Variants in PRMT2 observed in about 807,000 individuals in gnomAD.
The protein encoded by PRMT2 is protein arginine methyltransferase 2.
PRMT2 carries 26 observed loss-of-function variants against 57.6 expected under a neutral mutation model. The observed-to-expected ratio is 0.45, with a 90% CI of 0.33 to 0.63. The LOEUF is 0.63. Among genes scored for constraint, PRMT2 ranks in the 20% least tolerant of loss-of-function variants. The probability of loss-of-function intolerance (pLI) is 0.02; values close to 1 mark genes in which losing one functional copy is unlikely to be tolerated. For synonymous variants in PRMT2, 219 were observed against 220.0 expected, an observed-to-expected ratio of 1.00 and a Z score of 0.04; for missense variants, 472 against 564.4, an observed-to-expected ratio of 0.84 and a Z score of 1.66.
intron 7 of PRMT2, chr21:46,651,837 C>T (rs1306545220): frequency 2.5e-6 from 4 of 1,612,710 alleles, no homozygotes; most frequent in Middle Eastern, 1.6e-4. Context: ...CGCATTCTCC[C>T]CTGCACCTGT....
At chr21:46,651,353 C>T (rs1449828458) in intron 7 of PRMT2, among the ~76,000 whole-genome samples, 3 of 151,880 alleles carry the variant, frequency 2.0e-5, no homozygotes, top group Non-Finnish European at 4.4e-5. Context: ...AGGGAGGGCC[C>T]TGGGGAGGGT....
intron 9 of PRMT2, chr21:46,661,509 C>G (rs1370873891): frequency 4.0e-6 from 1 of 250,264 alleles, no homozygotes; most frequent in Non-Finnish European, 7.6e-6. Flanking sequence ...GTGGAAAGGC[C>G]CAGCCTGGAG....
chr21:46,637,190 A>G (rs2061188467), intron 3 of PRMT2, among the ~76,000 whole-genome samples, 200 bp downstream of exon 3: 1 of 152,232 alleles, frequency 6.6e-6, no homozygotes, highest in Non-Finnish European at 1.5e-5. Context: ...TGGGCACCAT[A>G]ACAATTCTAA....
At chr21:46,637,463 A>G (rs2061193424) in intron 3 of PRMT2, among the ~76,000 whole-genome samples, 3 of 152,210 alleles carry the variant, frequency 2.0e-5, no homozygotes, top group African/African-American at 7.2e-5. Context: ...AAAGTCACCA[A>G]CTGAATAATA....
chr21:46,642,119 A>T (rs2061287378), intron 3 of PRMT2, among the ~76,000 whole-genome samples: 2 of 152,288 alleles, frequency 1.3e-5, no homozygotes, highest in South Asian at 4.1e-4. Context: ...CGGTCCAGGG[A>T]ACACCTTTCT....
At position 46,648,132 on chromosome 21, in the gene PRMT2, C is replaced by T. The variant is rs1418177610; in HGVS notation, c.328-326C>T. 6.6e-6 allele frequency among the ~76,000 whole-genome samples: 1 copy of T among 152,162 alleles called. No homozygotes were observed. Among genetic ancestry groups the T allele is most frequent in the African/African-American group, 2.4e-5 (1 of 41,430 alleles). On this transcript the variant is annotated intron_variant, in intron 5 of 11. Coordinates refer to ENST00000355680, the MANE Select transcript of PRMT2 (RefSeq NM_206962.4). This position sits in a 1 kb window ranked among gnomAD's most constrained non-coding sequence, Gnocchi z 4.8. Reference sequence around the variant, plus strand: ...TCTTTATAACATTGACTCTCAGTCTCTGATTACTTAAGCTTTGTTTAATAT... The same window carrying T: ...TCTTTATAACATTGACTCTCAGTCTTTGATTACTTAAGCTTTGTTTAATAT...
At chr21:46,659,777 G>C in intron 8 of PRMT2, 1 of 985,426 alleles carries the variant, frequency 1.0e-6, no homozygotes, top group Non-Finnish European at 1.2e-6. Context: ...GCCAGTGGCC[G>C]TCCAGAGGAA....
In PRMT2 at chr21:46,663,397, A is replaced by G. The variant is rs1413419288; in HGVS notation, c.1112A>G (p.Lys371Arg). ...CTGTCTTGCAGCACCACACACTGGA[A>G]GCAGACGCTGTTCATGATGGACGAC... is the stretch of plus-strand genomic sequence containing the variant. ...TGPFHPTTHW[K>R]QTLFMMDDPV... Residue 371 changes from lysine (K) to arginine (R), a missense_variant, in exon 11 of 12, where the codon AAG becomes AGG. This residue lies in a region of PRMT2 where 229 missense variants were observed against 217.2 expected (regional missense o/e 1.05). Transcript: ENST00000355680. 6.2e-7 allele frequency: 1 copy of G among 1,612,908 alleles called. No individual in the cohort carries two copies. The highest frequency in any genetic ancestry group is 8.5e-7 in the Non-Finnish European group (1 of 1,179,106).
Position 46,643,524 on chromosome 21 carries a change from G to T in PRMT2, c.40-11G>T, listed in dbSNP as rs766846650. 1.3e-6 allele frequency: 2 copies of T among 1,546,700 alleles called. No homozygotes were observed. Among genetic ancestry groups the T allele is most frequent in the South Asian group, 2.5e-5 (2 of 81,614 alleles). On this transcript the variant is annotated splice_polypyrimidine_tract_variant and intron_variant, in intron 3 of 11. Coordinates refer to ENST00000355680, the MANE Select transcript of PRMT2 (RefSeq NM_206962.4). ...GCGTCCTCTCCTCACGCTTTCCTTG[G>T]CTTTGAGCAGGGAGAAGAGCCTGCT...
chr21:46,661,757 G>C, intron 9 of PRMT2, 43 bp from the exon 10 acceptor site: 1 of 1,296,654 alleles, frequency 7.7e-7, no homozygotes, highest in Non-Finnish European at 9.9e-7. Context: ...GCCCTGCGGT[G>C]CCACGCGGTG....
chr21:46,648,356 G>A lies in PRMT2; in HGVS notation c.328-102G>A, dbSNP rs1361114854. On this transcript the variant is annotated intron_variant, in intron 5 of 11. Transcript: ENST00000355680. This position sits in a 1 kb window ranked among gnomAD's most constrained non-coding sequence, Gnocchi z 4.8. ...TCCATAGTCTTCCATAGGGGTGTTG[G>A]GGTCAGGGGTCATCAGCTGTGGCTC... The A allele has an allele frequency of 5.6e-5, 71 of 1,264,556 alleles. No individual in the cohort carries two copies. The highest frequency in any genetic ancestry group is 7.6e-5 in the Non-Finnish European group (68 of 900,350). The allele number at this position is 1,264,556 out of a possible 1,614,324, so 78.3% of individuals were successfully genotyped here. A position where few individuals can be genotyped will look rare whatever the true frequency, so the allele number is the denominator to read the frequency against.
At chr21:46,653,713 A>ACG (rs2061497095) in intron 7 of PRMT2, 1 of 1,255,012 alleles carries the variant, frequency 8.0e-7, no homozygotes, top group Non-Finnish European at 1.0e-6. Context: ...TGGTGCCCAC[A>ACG]CGCACACACA....
At chr21:46,638,740 C>A (rs575127174) in intron 3 of PRMT2, among the ~76,000 whole-genome samples, 4 of 152,268 alleles carry the variant, frequency 2.6e-5, no homozygotes, top group African/African-American at 9.6e-5. Context: ...TTAATACCAC[C>A]CTCCATTATA....
intron 5 of PRMT2, among the ~76,000 whole-genome samples, chr21:46,647,748 C>T (rs1045479266): frequency 4.6e-5 from 7 of 152,112 alleles, no homozygotes; most frequent in African/African-American, 1.2e-4. Context: ...TGTAAAATTC[C>T]GCCCTAATGT....
chr21:46,659,354 C>G (rs1166643564), intron 8 of PRMT2: 21 of 987,942 alleles, frequency 2.1e-5, no homozygotes, highest in Non-Finnish European at 2.5e-5. Flanking sequence ...GGAATGGACC[C>G]TGGGCTAGAT....
intron 8 of PRMT2, chr21:46,660,259 C>A: frequency 1.4e-6 from 1 of 698,544 alleles, no homozygotes; most frequent in Non-Finnish European, 1.8e-6. Flanking sequence ...CATGCAGGGG[C>A]CATGCGGCGT....
chr21:46,650,287 G>GT (rs926376197), intron 7 of PRMT2, among the ~76,000 whole-genome samples: 15 of 574 alleles, frequency 0.026, no homozygotes, highest in Non-Finnish European at 8.8e-3. Flanking sequence ...GATGCTGTCT[G>GT]CCCGCGCTGT....
At chr21:46,650,747 G>A (rs1257081943) in intron 7 of PRMT2, among the ~76,000 whole-genome samples, 6 of 152,200 alleles carry the variant, frequency 3.9e-5, no homozygotes, top group Non-Finnish European at 7.3e-5. Flanking sequence ...GCGGTGATAC[G>A]GGGAAGCCTG....
At chr21:46,658,993 C>T (rs957562180) in intron 8 of PRMT2, 73 bp downstream of exon 8, 1 of 1,539,798 alleles carries the variant, frequency 6.5e-7, no homozygotes, top group Admixed American at 2.0e-5. Context: ...TGGGCCAAGG[C>T]CCTGGGAGAT....
Sources: allele counts gnomAD v4.1 joint callset (sites outside exome capture counted in the v4.1 genomes callset), GRCh38; gene constraint gnomAD v4.1.1; regional missense constraint gnomAD v4.1.1; non-coding constraint Gnocchi (gnomAD v3.1); transcripts MANE v1.5; gene names NCBI Gene and HGNC (gene_info 2026-07-23, HGNC 2026-07-21).